RASA1: variants seen among roughly 807,000 people sequenced by gnomAD.
RASA1 encodes ras GTPase-activating protein 1.
RASA1 carries 25 observed loss-of-function variants against 132.2 expected under a neutral mutation model. The observed-to-expected ratio is 0.19, with a 90% confidence interval of 0.14 to 0.26. RASA1 has a LOEUF of 0.26. Ranked by LOEUF, RASA1 falls within the 10% of genes least tolerant of loss-of-function variation. The probability of loss-of-function intolerance (pLI) is 1.00; values close to 1 mark genes in which losing one functional copy is unlikely to be tolerated. For synonymous variants in RASA1, 477 were observed against 449.9 expected, an observed-to-expected ratio of 1.06 and a Z score of -0.76; for missense variants, 964 against 1,299.2, an observed-to-expected ratio of 0.74 and a Z score of 3.97.
At chr5:87,380,288 A>C (rs1353220499) in intron 19 of RASA1, among the ~76,000 whole-genome samples, 2 of 152,176 alleles carry the variant, frequency 1.3e-5, no homozygotes, top group Non-Finnish European at 2.9e-5. Context: ...ATCTGAAAGT[A>C]AATGTCAGGA....
chr5:87,287,044 CAT>C (rs1223659885), intron 1 of RASA1, among the ~76,000 whole-genome samples: 3 of 141,552 alleles, frequency 2.1e-5, no homozygotes, highest in Non-Finnish European at 3.1e-5. Context: ...ATATACACAC[CAT>C]ATATATACCC....
intron 1 of RASA1, among the ~76,000 whole-genome samples, chr5:87,276,238 C>A (rs1176113490): frequency 6.6e-6 from 1 of 152,068 alleles, no homozygotes; most frequent in Non-Finnish European, 1.5e-5. Context: ...CAAATTTCTC[C>A]ACAATAGATG....
chr5:87,316,965 C>G (rs1240346037), intron 1 of RASA1, among the ~76,000 whole-genome samples: 1 of 152,006 alleles, frequency 6.6e-6, no homozygotes, highest in East Asian at 1.9e-4. Flanking sequence ...TTACTGCAAC[C>G]TCTACCTCCT....
chr5:87,286,965 T>TAC (rs139642940), intron 1 of RASA1, among the ~76,000 whole-genome samples: 8,434 of 147,960 alleles, frequency 0.057, 518 homozygotes, highest in African/African-American at 0.15. Context: ...ATACCATATA[T>TAC]ACACCATATA....
intron 15 of RASA1, chr5:87,376,157 A>G (rs986132098): frequency 4.8e-5 from 27 of 556,996 alleles, no homozygotes; most frequent in Middle Eastern, 4.9e-4. Context: ...ACTGACCTCT[A>G]TGCAACTCAA....
chr5:87,341,468 T>A (rs1758451603), intron 6 of RASA1, 147 bp downstream of exon 6: 1 of 432,386 alleles, frequency 2.3e-6, no homozygotes, highest in African/African-American at 2.1e-5. Context: ...TTCTAAATAT[T>A]TTCTTAAGGA....
At chr5:87,272,307 T>C (rs552127322) in intron 1 of RASA1, among the ~76,000 whole-genome samples, 9 of 152,196 alleles carry the variant, frequency 5.9e-5, no homozygotes, top group African/African-American at 9.7e-5. Flanking sequence ...ATTTATAATA[T>C]GTTTTTAAAA....
intron 1 of RASA1, among the ~76,000 whole-genome samples, chr5:87,275,674 A>G (rs1561249333): frequency 6.6e-6 from 1 of 151,486 alleles, no homozygotes; most frequent in Non-Finnish European, 1.5e-5. Flanking sequence ...GGGTTCAAGC[A>G]TTTCTCCTGT....
chr5:87,359,072 T>C (rs979292184), intron 9 of RASA1, among the ~76,000 whole-genome samples: 1 of 152,188 alleles, frequency 6.6e-6, no homozygotes, highest in Non-Finnish European at 1.5e-5. Context: ...CTGGTTAGAA[T>C]ACAAGTTCCA....
At chr5:87,284,761 A>G (rs202130349) in intron 1 of RASA1, among the ~76,000 whole-genome samples, 2 of 152,174 alleles carry the variant, frequency 1.3e-5, no homozygotes, top group East Asian at 3.8e-4. Flanking sequence ...GAATTTGGAA[A>G]AAAAGAACAC....
chr5:87,320,347 G>A (rs1044885464), intron 1 of RASA1, among the ~76,000 whole-genome samples: 8 of 152,114 alleles, frequency 5.3e-5, no homozygotes, highest in Admixed American at 2.6e-4. Context: ...CACTTCTCTG[G>A]TACCAGTTTT....
intron 1 of RASA1, among the ~76,000 whole-genome samples, chr5:87,292,647 C>T (rs1308577067): frequency 6.6e-6 from 1 of 152,096 alleles, no homozygotes; most frequent in Admixed American, 6.5e-5. Flanking sequence ...TCTTTTACCT[C>T]TCCATAAAAA....
chr5:87,270,636 G>A (rs1182576909), intron 1 of RASA1, among the ~76,000 whole-genome samples: 1 of 138,076 alleles, frequency 7.2e-6, no homozygotes, highest in Admixed American at 7.4e-5. Flanking sequence ...CGTAAGCCAC[G>A]GTGCCCGGCC....
At position 87,347,709 on chromosome 5, in the gene RASA1, C is replaced by CA. The variant is rs757273740; in HGVS notation, c.1102+991dup. ...TGTGAAGCTGTAGGTTAAGTAGGTT[C>CA]AAAAAATAAGTTAAAAAAGATTATG... On this transcript the variant is annotated intron_variant, in intron 7 of 24. Transcript: ENST00000274376. Among the ~76,000 whole-genome samples the CA allele has an allele frequency of 5.3e-5, 8 of 151,482 alleles. 1 individual carries two copies. The South Asian group carries it at 6.2e-4, about 12-fold the overall frequency.
chr5:87,336,578 G>T (rs987940556), intron 4 of RASA1, among the ~76,000 whole-genome samples: 2 of 152,060 alleles, frequency 1.3e-5, no homozygotes, highest in African/African-American at 4.8e-5. Flanking sequence ...TGATTAGATT[G>T]TATTACTACT....
At chr5:87,272,847 C>T (rs1009048320) in intron 1 of RASA1, among the ~76,000 whole-genome samples, 19 of 152,066 alleles carry the variant, frequency 1.2e-4, no homozygotes, top group African/African-American at 4.6e-4. Flanking sequence ...TCTATAAATT[C>T]CTATTCCTGA....
chr5:87,353,469 G>GGTA (rs745527784), intron 9 of RASA1, among the ~76,000 whole-genome samples: 3 of 151,986 alleles, frequency 2.0e-5, no homozygotes, highest in Non-Finnish European at 2.9e-5. Flanking sequence ...CGTGGAGGAA[G>GGTA]GTAAGTTGCA....
intron 23 of RASA1, 92 bp downstream of exon 23, chr5:87,386,995 C>G: frequency 8.5e-7 from 1 of 1,175,512 alleles, no homozygotes; most frequent in Non-Finnish European, 1.2e-6. Flanking sequence ...GAAAGATTTT[C>G]TATCCAAAAC....
At chr5:87,388,169 G>A (rs1347465990) in intron 23 of RASA1, among the ~76,000 whole-genome samples, 3 of 152,100 alleles carry the variant, frequency 2.0e-5, no homozygotes, top group Admixed American at 6.5e-5. Flanking sequence ...CCTTTCTACT[G>A]GAGTCAGTTC....
Sources: allele counts gnomAD v4.1 joint callset (sites outside exome capture counted in the v4.1 genomes callset), GRCh38; gene constraint gnomAD v4.1.1; transcripts MANE v1.5; gene names NCBI Gene and HGNC (gene_info 2026-07-23, HGNC 2026-07-21).